VPS54: variants seen among roughly 807,000 people sequenced by gnomAD.
The protein encoded by VPS54 is VPS54 subunit of GARP complex.
In VPS54, 45 loss-of-function variants were observed where a neutral mutation model predicts 121.5. That is an observed-to-expected ratio of 0.37 (90% CI 0.29 to 0.47). VPS54 has a LOEUF of 0.47. Ranked by LOEUF, VPS54 falls within the 20% of genes least tolerant of loss-of-function variation. The pLI, the probability that VPS54 is intolerant of heterozygous loss-of-function variation, is 0.99. For synonymous variants in VPS54, 371 were observed against 385.8 expected (o/e 0.96, Z 0.45); for missense variants, 1,090 against 1,131.4 (o/e 0.96, Z 0.52).
intron 12 of VPS54, among the ~76,000 whole-genome samples, chr2:63,923,476 A>C (rs1482784322): frequency 1.3e-5 from 2 of 152,216 alleles, no homozygotes; most frequent in Non-Finnish European, 2.9e-5. Flanking sequence ...ACTCAAGTTC[A>C]TAACAGCACT....
At chr2:63,932,317 C>G (rs1281374914) in intron 12 of VPS54, among the ~76,000 whole-genome samples, 1 of 152,152 alleles carries the variant, frequency 6.6e-6, no homozygotes, top group Non-Finnish European at 1.5e-5. Flanking sequence ...CCGTGGAATA[C>G]TATGCAGCCA....
intron 20 of VPS54, among the ~76,000 whole-genome samples, chr2:63,906,447 A>C (rs1368981703): frequency 1.3e-5 from 2 of 152,238 alleles, no homozygotes; most frequent in Non-Finnish European, 2.9e-5. Flanking sequence ...ATGAAGAAAT[A>C]CTTATAAAAT....
chr2:63,967,036 A>T (rs1352391235), intron 5 of VPS54, among the ~76,000 whole-genome samples: 1 of 152,196 alleles, frequency 6.6e-6, no homozygotes, highest in Non-Finnish European at 1.5e-5. Context: ...CTTTATAGAA[A>T]TTATTTATTT....
At position 63,929,029 on chromosome 2, in the gene VPS54, G is replaced by A. The variant is rs185476193; in HGVS notation, c.1739+4644C>T. Among the ~76,000 whole-genome samples the A allele has an allele frequency of 6.6e-5, 10 of 152,154 alleles. No homozygotes were observed. In the East Asian group the frequency reaches 1.9e-3, roughly 29 times the overall value. ...CCCAGATTCATAAAGCAAGTCCTTA[G>A]AGACCTACAAAGAGACTTACACTCC... On this transcript the variant is annotated intron_variant, in intron 12 of 22. Coordinates refer to ENST00000272322, the MANE Select transcript of VPS54 (RefSeq NM_016516.3).
chr2:63,987,301 A>G (rs1677097394), intron 1 of VPS54, among the ~76,000 whole-genome samples: 9 of 152,166 alleles, frequency 5.9e-5, no homozygotes, highest in Admixed American at 5.9e-4. Flanking sequence ...TCCCAGCACA[A>G]TTTATTGAAG....
intron 6 of VPS54, 31 bp downstream of exon 6, chr2:63,965,804 T>TCC: frequency 6.2e-7 from 1 of 1,607,866 alleles, no homozygotes; most frequent in Non-Finnish European, 8.5e-7. Flanking sequence ...TAGAATAGTT[T>TCC]CCTACATGGA....
chr2:63,895,126 T>G (rs968315633), intron 22 of VPS54, among the ~76,000 whole-genome samples: 4 of 152,062 alleles, frequency 2.6e-5, no homozygotes, highest in Non-Finnish European at 5.9e-5. Flanking sequence ...GTGTCTATTT[T>G]TAAAATATCT....
At chr2:64,011,613 A>C (rs1462933751) in intron 1 of VPS54, among the ~76,000 whole-genome samples, 1 of 152,158 alleles carries the variant, frequency 6.6e-6, no homozygotes, top group African/African-American at 2.4e-5. Flanking sequence ...AATATGAATA[A>C]ACTATACTAA....
chr2:63,915,742 G>T (rs147238948), intron 16 of VPS54, among the ~76,000 whole-genome samples: 36 of 152,288 alleles, frequency 2.4e-4, no homozygotes, highest in African/African-American at 8.2e-4. Context: ...AAGGACTTCA[G>T]AAGAGAAAAG....
intron 18 of VPS54, 116 bp from the exon 19 acceptor site, chr2:63,912,777 T>TAGTTGATTTTAATTACAAATCAAA: frequency 7.7e-7 from 1 of 1,302,690 alleles, no homozygotes; most frequent in Non-Finnish European, 1.0e-6. Flanking sequence ...ACCAGTTTAT[T>TAGTTGATTTTAATTACAAATCAAA]TCATAAACGA....
rs749041934 is a variant in VPS54 at position 63,933,718 on chromosome 2, T to C, written c.1694A>G (p.Lys565Arg). Reference sequence around the variant, plus strand: ...AATAGCAGATGATGATGTGTGCTCTTTGCTGGATGAAGAATCAGTAGTACA... The same window carrying C: ...AATAGCAGATGATGATGTGTGCTCTCTGCTGGATGAAGAATCAGTAGTACA... ...PECTTDSSSS[K>R]EHTSSSAIPG... Residue 565 changes from lysine (K) to arginine (R), a missense_variant, in exon 12 of 23, where the codon AAA (lysine) becomes AGA (arginine). Physicochemically the swap from Lys to Arg is conservative, Grantham distance 26. Coordinates refer to ENST00000272322, the MANE Select transcript of VPS54 (RefSeq NM_016516.3). The C allele has an allele frequency of 3.1e-6, 5 of 1,613,680 alleles. No individual in the cohort carries two copies. Among genetic ancestry groups the C allele is most frequent in the South Asian group, 2.2e-5 (2 of 91,078 alleles).
chr2:63,934,128 G>A, intron 11 of VPS54, 115 bp from the exon 12 acceptor site: 1 of 848,676 alleles, frequency 1.2e-6, no homozygotes, highest in Non-Finnish European at 1.8e-6. Flanking sequence ...ATGAGTCAAA[G>A]TCATGTATAT....
intron 11 of VPS54, among the ~76,000 whole-genome samples, chr2:63,937,664 AG>A (rs2104496565): frequency 6.6e-6 from 1 of 152,280 alleles, no homozygotes; most frequent in Non-Finnish European, 1.5e-5. Context: ...AAGAACTAAA[AG>A]GGGGCCTCAG....
At chr2:64,003,240 G>A (rs1677968479) in intron 1 of VPS54, among the ~76,000 whole-genome samples, 1 of 151,946 alleles carries the variant, frequency 6.6e-6, no homozygotes, top group Non-Finnish European at 1.5e-5. Context: ...CTAAACACAG[G>A]GAACTACTGA....
At chr2:63,938,415 G>A (rs940389725) in intron 11 of VPS54, among the ~76,000 whole-genome samples, 1 of 152,132 alleles carries the variant, frequency 6.6e-6, no homozygotes, top group African/African-American at 2.4e-5. Flanking sequence ...TCACCTGAAA[G>A]ACTAAGGCAG....
intron 12 of VPS54, among the ~76,000 whole-genome samples, chr2:63,925,365 A>G (rs919304119): frequency 6.6e-6 from 1 of 152,242 alleles, no homozygotes; most frequent in Non-Finnish European, 1.5e-5. Context: ...AACATGTAAA[A>G]GACTGGCAAT....
At chr2:63,945,389 G>C (rs768984781) in intron 9 of VPS54, among the ~76,000 whole-genome samples, 5 of 152,160 alleles carry the variant, frequency 3.3e-5, no homozygotes, top group Non-Finnish European at 7.4e-5. Flanking sequence ...GGAGACTATT[G>C]GAGAGTGGAG....
rs139548858 is a variant in VPS54, at chr2:63,916,704, T to C, written c.2228+196A>G. Among the ~76,000 whole-genome samples, 2 of 152,280 alleles carry C rather than the reference T, an allele frequency of 1.3e-5. 1 individual carries two copies. Among genetic ancestry groups the C allele is most frequent in the African/African-American group, 4.8e-5 (2 of 41,590 alleles). On this transcript the variant is annotated intron_variant, in intron 16 of 22. Transcript: ENST00000272322. The stretch of plus-strand genomic sequence containing the variant: ...GTTAAGCCAGTGCAGTCCTTAATAA[T>C]GTATGCTACAGAAGAGAGAAGATAA...
intron 3 of VPS54, among the ~76,000 whole-genome samples, chr2:63,973,335 G>A (rs1217829595): frequency 2.0e-5 from 3 of 152,058 alleles, no homozygotes; most frequent in Non-Finnish European, 4.4e-5. Flanking sequence ...CTTTGGTGAG[G>A]TATTTAGATC....
Sources: gnomAD v4.1 joint callset for allele counts (sites outside exome capture counted in the v4.1 genomes callset) on GRCh38, gnomAD v4.1.1 for gene constraint, MANE v1.5 for transcripts, NCBI Gene and HGNC (gene_info 2026-07-23, HGNC 2026-07-21) for gene names.